BRCA1: variants seen among roughly 807,000 people sequenced by gnomAD.
BRCA1 encodes the protein breast cancer type 1 susceptibility protein.
A neutral mutation model predicts 173.7 loss-of-function variants in BRCA1; 140 were observed. The ratio of observed to expected loss-of-function variants is 0.81; its 90% CI spans 0.70 to 0.93. BRCA1 has a LOEUF of 0.93. Ranked by LOEUF, BRCA1 falls within the 40% of genes least tolerant of loss-of-function variation. The pLI is 0.00. For synonymous variants in BRCA1, 662 were observed against 756.0 expected (o/e 0.88, Z 2.04); for missense variants, 1,983 against 2,172.5 (o/e 0.91, Z 1.73).
chr17:43,092,664 G>C lies in BRCA1; in HGVS notation c.2867C>G (p.Ser956Cys), dbSNP rs1060502336. 1 of 1,613,978 alleles carries C rather than the reference G, an allele frequency of 6.2e-7. No individual in the cohort carries two copies. Among genetic ancestry groups the C allele is most frequent in the Non-Finnish European group, 8.5e-7 (1 of 1,180,020 alleles). Residue 956 changes from serine (S) to cysteine (C), a missense_variant, in exon 10 of 23, where the codon TCT becomes TGT. Transcript: ENST00000357654. ...IKGGSRFCLS[S>C]QFRGNETGLI... Reference sequence around the variant, plus strand: ...TCCAGTTTCGTTGCCTCTGAACTGAGATGATAGACAAAACCTAGAGCCTCC... The same window carrying C: ...TCCAGTTTCGTTGCCTCTGAACTGACATGATAGACAAAACCTAGAGCCTCC...
chr17:43,169,644 C>T (rs1186786441), intron 1 of BRCA1, among the ~76,000 whole-genome samples: 1 of 151,830 alleles, frequency 6.6e-6, no homozygotes, highest in Non-Finnish European at 1.5e-5. Flanking sequence ...TCAGGTTCCG[C>T]CCCCGCCCCT....
intron 14 of BRCA1, among the ~76,000 whole-genome samples, chr17:43,071,502 T>C (rs1031816332): frequency 6.6e-6 from 1 of 152,210 alleles, no homozygotes; most frequent in African/African-American, 2.4e-5. Context: ...AAAAGATATA[T>C]GCAAAGGTTT....
chr17:43,048,930 A>T lies in BRCA1; in HGVS notation c.5406+191T>A, dbSNP rs544465176. On this transcript the variant is annotated intron_variant, in intron 21 of 22. Transcript: ENST00000357654. ...AGTTAGAGGGAAAAAGTCTTCCCTC[A>T]GTATATTTAATATGTGCAGTTCTCA... Among the ~76,000 whole-genome samples the T allele has an allele frequency of 5.4e-4, 82 of 152,274 alleles. 1 individual carries two copies. Among genetic ancestry groups the T allele is most frequent in the African/African-American group, 1.8e-3 (74 of 41,550 alleles).
At position 43,093,183 on chromosome 17, in the gene BRCA1, A is replaced by T. The variant is rs562370358; in HGVS notation, c.2348T>A (p.Ile783Asn). ...PGTDYGTQES[I>N]SLLEVSTLGK... is the part of the protein sequence containing the mutation. ...TAGAGTGCTAACTTCCAGTAACGAG[A>T]TACTTTCCTGAGTGCCATAATCAGT... The change falls in exon 10 of 23, where the codon ATC becomes AAC. Residue 783 changes from isoleucine to asparagine, a missense_variant. Coordinates refer to ENST00000357654, the MANE Select transcript of BRCA1 (RefSeq NM_007294.4). 6.2e-7 allele frequency: 1 copy of T among 1,613,892 alleles called. No homozygotes were observed.
intron 1 of BRCA1, among the ~76,000 whole-genome samples, chr17:43,141,336 G>A (rs958112523): frequency 4.6e-5 from 7 of 152,084 alleles, no homozygotes; most frequent in African/African-American, 7.2e-5. Context: ...AGGCATGGTG[G>A]TGCATGCCTG....
At chr17:43,100,630 TGTTATATATATATAACATATATATAAC>T (rs1567807364) in intron 6 of BRCA1, among the ~76,000 whole-genome samples, 4 of 57,818 alleles carry the variant, frequency 6.9e-5, no homozygotes, top group African/African-American at 3.5e-4. Context: ...CATATATATA[TGTTATATATATATAACATATATATAAC>T]ATATATATAT....
rs2154376722 is a variant in BRCA1, at chr17:43,093,079, A to C, written c.2452T>G (p.Cys818Gly). The change falls in exon 10 of 23, where the codon TGT becomes GGT. Residue 818 changes from cysteine to glycine, a missense_variant. Physicochemically the swap from Cys to Gly is radical, Grantham distance 159. Coordinates refer to ENST00000357654, the MANE Select transcript of BRCA1 (RefSeq NM_007294.4). Reference sequence around the variant, plus strand: ...GTGTCATTTCTATTATCTTTGGAACAACCATGAATTAGTCCCTTGGGGTTT... The same window carrying C: ...GTGTCATTTCTATTATCTTTGGAACCACCATGAATTAGTCCCTTGGGGTTT... The part of the protein sequence containing the change: ...FENPKGLIHG[C>G]SKDNRNDTEG... 6.2e-7 allele frequency: 1 copy of C among 1,613,752 alleles called. No homozygotes were observed. Among genetic ancestry groups the C allele is most frequent in the Non-Finnish European group, 8.5e-7 (1 of 1,179,984 alleles).
intron 14 of BRCA1, among the ~76,000 whole-genome samples, chr17:43,071,903 G>T (rs2052463641): frequency 1.3e-5 from 2 of 151,764 alleles, no homozygotes; most frequent in Non-Finnish European, 2.9e-5. Context: ...GGCTACTAGG[G>T]AGGCTGAGGC....
chr17:43,091,781 C>T lies in BRCA1; in HGVS notation c.3750G>A (p.Glu1250=), dbSNP rs145903082. 3.7e-6 allele frequency: 6 copies of T among 1,614,040 alleles called. No individual in the cohort carries two copies. In the African/African-American group the frequency reaches 4.0e-5, roughly 11 times the overall value. Residue 1250 remains glutamate (E), a synonymous_variant, in exon 10 of 23, where the codon GAG becomes GAA. Transcript: ENST00000357654. ...QSTRHSTVAT[E]CLSKNTEENL... is the part of the protein sequence containing the mutation. ...TCTCCTCTGTGTTCTTAGACAGACA[C>T]TCGGTAGCAACGGTGCTATGCCTAG...
chr17:43,144,214 C>G, intron 1 of BRCA1: 1 of 332,784 alleles, frequency 3.0e-6, no homozygotes, highest in Non-Finnish European at 6.1e-6. Context: ...CAGAGCGAGA[C>G]TCCATCTCAA....
upstream of BRCA1, among the ~76,000 whole-genome samples, chr17:43,128,192 A>C (rs1232724617): frequency 6.6e-6 from 1 of 152,134 alleles, no homozygotes; most frequent in African/African-American, 2.4e-5. Context: ...GGTAACACCG[A>C]CCGCAGAGGT....
intron 1 of BRCA1, among the ~76,000 whole-genome samples, chr17:43,137,547 G>A (rs1056315133): frequency 2.6e-5 from 4 of 152,014 alleles, no homozygotes; most frequent in Admixed American, 1.3e-4. Context: ...CAGCATACAA[G>A]GATGTTCAAG....
chr17:43,128,846 C>G (rs1404777423), upstream of BRCA1, among the ~76,000 whole-genome samples: 1 of 146,676 alleles, frequency 6.8e-6, no homozygotes, highest in Non-Finnish European at 1.5e-5. Flanking sequence ...GACAAAGTCT[C>G]GCTTTCTCAA....
chr17:43,134,500 A>ATCAAGCATTAT (rs1473646391), intron 1 of BRCA1, among the ~76,000 whole-genome samples: 27 of 152,232 alleles, frequency 1.8e-4, no homozygotes, highest in African/African-American at 6.5e-4. Flanking sequence ...GATGGAGGAC[A>ATCAAGCATTAT]GGGAATGCTT....
rs80358027 is a variant in BRCA1 at position 43,082,403 on chromosome 17, C to T, written c.4357+1G>A. ...ATCAGTGTTTGGCCAACAATACACA[C>T]CTTTTTCTGATGTGCTTTGTTCTGG... On this transcript the variant is annotated splice_donor_variant, in intron 12 of 22. Transcript: ENST00000357654. LOFTEE classifies it high-confidence loss of function. 1.9e-6 allele frequency: 3 copies of T among 1,613,594 alleles called. No homozygotes were observed. The highest frequency in any genetic ancestry group is 2.7e-5 in the African/African-American group (2 of 75,026).
At chr17:43,164,481 A>G (rs910995413) in intron 1 of BRCA1, 3 of 152,232 alleles carry the variant, frequency 2.0e-5, no homozygotes, top group African/African-American at 7.2e-5. Context: ...ATTAAATGCA[A>G]TAGTTTGAGG....
intron 3 of BRCA1, among the ~76,000 whole-genome samples, chr17:43,111,291 G>A (rs1009678574): frequency 6.6e-6 from 1 of 152,024 alleles, no homozygotes; most frequent in African/African-American, 2.4e-5. Context: ...AGGCCAAGGC[G>A]AGCAGATCAC....
In BRCA1 at chr17:43,045,387, G is replaced by C. The variant is rs878854928; in HGVS notation, c.*291C>G. The C allele has an allele frequency of 3.2e-6, 2 of 629,476 alleles. No individual in the cohort carries two copies. The highest frequency in any genetic ancestry group is 2.9e-6 in the Non-Finnish European group (1 of 339,732). 39.0% of individuals were successfully genotyped at this position (629,476 alleles called of 1,614,324 possible). Reference sequence around the variant, plus strand: ...AGAAAGAATAGGGCTGATAAATAATGAATCAGCATCTTGCTCAATTGGTGG... The same window carrying C: ...AGAAAGAATAGGGCTGATAAATAATCAATCAGCATCTTGCTCAATTGGTGG... On this transcript the variant is annotated 3_prime_UTR_variant, in exon 23 of 23. Transcript: ENST00000357654.
At chr17:43,096,250 GC>G (rs2154516765) in intron 8 of BRCA1, among the ~76,000 whole-genome samples, 1 of 151,686 alleles carries the variant, frequency 6.6e-6, no homozygotes, top group African/African-American at 2.4e-5. Flanking sequence ...GGTGGCGCGC[GC>G]CTGTAGTCCC....
Sources: gnomAD v4.1 joint callset for allele counts (sites outside exome capture counted in the v4.1 genomes callset) on GRCh38, gnomAD v4.1.1 for gene constraint, MANE v1.5 for transcripts, NCBI Gene and HGNC (gene_info 2026-07-23, HGNC 2026-07-21) for gene names.